The following DOCK3 variants were observed in gnomAD, a reference collection of about 807,000 sequenced individuals.
DOCK3 encodes dedicator of cytokinesis 3.
In DOCK3, 60 loss-of-function variants were observed where a neutral mutation model predicts 265.6. The observed-to-expected ratio is 0.23, with a 90% CI of 0.18 to 0.28. The LOEUF is 0.28. DOCK3 is among the 10% of genes least tolerant of loss of function. The pLI is 1.00. For synonymous variants in DOCK3, 881 were observed against 938.0 expected (o/e 0.94, Z 1.11); for missense variants, 1,981 against 2,594.3 (o/e 0.76, Z 5.14).
chr3:50,807,796 C>T (rs1204641942), intron 2 of DOCK3, among the ~76,000 whole-genome samples: 1 of 152,042 alleles, frequency 6.6e-6, no homozygotes, highest in Admixed American at 6.6e-5. Flanking sequence ...TTGCCCAGGC[C>T]GGAGTGCAGT....
chr3:50,780,964 C>G (rs1196240138), intron 2 of DOCK3, among the ~76,000 whole-genome samples: 1 of 152,052 alleles, frequency 6.6e-6, no homozygotes, highest in African/African-American at 2.4e-5. Flanking sequence ...GTTCCATTCA[C>G]ATTACCATGA....
intron 1 of DOCK3, among the ~76,000 whole-genome samples, chr3:50,753,848 T>C (rs1220038598): frequency 6.6e-6 from 1 of 152,088 alleles, no homozygotes; most frequent in Non-Finnish European, 1.5e-5. Flanking sequence ...TACAGAAATT[T>C]CCTTTGAAGT....
At chr3:50,763,823 A>C (rs1375541799) in intron 1 of DOCK3, among the ~76,000 whole-genome samples, 2 of 152,110 alleles carry the variant, frequency 1.3e-5, no homozygotes, top group African/African-American at 2.4e-5. Context: ...TGATATTTTC[A>C]AAGAACTAAC....
intron 5 of DOCK3, among the ~76,000 whole-genome samples, chr3:50,937,800 G>A (rs999644006): frequency 1.3e-5 from 2 of 152,010 alleles, no homozygotes; most frequent in Non-Finnish European, 1.5e-5. Context: ...CACTAAAAAT[G>A]TTAAAGTAAC....
intron 1 of DOCK3, among the ~76,000 whole-genome samples, chr3:50,749,561 C>T (rs1033680077): frequency 6.6e-6 from 1 of 152,112 alleles, no homozygotes; most frequent in African/African-American, 2.4e-5. Flanking sequence ...CCTACCCCAA[C>T]TTGTTTTTAT....
At chr3:51,380,035 C>A in intron 51 of DOCK3, 90 bp from the exon 52 acceptor site, 1 of 1,291,060 alleles carries the variant, frequency 7.7e-7, no homozygotes, top group Non-Finnish European at 1.1e-6. Flanking sequence ...GGACTCTTCT[C>A]ATGCCTGCCC....
chr3:51,099,474 GA>G (rs2082995533), intron 9 of DOCK3, among the ~76,000 whole-genome samples: 1 of 152,200 alleles, frequency 6.6e-6, no homozygotes, highest in South Asian at 2.1e-4. Flanking sequence ...TTGTTTACAA[GA>G]AATTTGACTT....
At chr3:51,275,486 C>A (rs1418989953) in intron 25 of DOCK3, among the ~76,000 whole-genome samples, 1 of 152,136 alleles carries the variant, frequency 6.6e-6, no homozygotes, top group African/African-American at 2.4e-5. Context: ...CATGCTGTTT[C>A]CATCAATAGG....
rs549423958 is a variant in DOCK3 at position 50,778,142 on chromosome 3, T to G, written c.38-533T>G. 2.8e-4 allele frequency among the ~76,000 whole-genome samples: 43 copies of G among 152,296 alleles called. 1 individual carries two copies. In the South Asian group the frequency reaches 8.7e-3, roughly 31 times the overall value. ...TTTTGGAATCAGTTTGTCAATTTCC[T>G]TAAAAAAGTTACGGGATTTTGATTG... On this transcript the variant is annotated intron_variant, in intron 1 of 52. Coordinates refer to ENST00000266037, the MANE Select transcript of DOCK3 (RefSeq NM_004947.5).
rs2107624720 is a variant in DOCK3 at position 50,675,125 on chromosome 3, T to G, written c.-139T>G. On this transcript the variant is annotated 5_prime_UTR_variant, in exon 1 of 53. Transcript: ENST00000266037. This position sits in a 1 kb window ranked among gnomAD's most constrained non-coding sequence, Gnocchi z 6.1. Reference sequence around the variant, plus strand: ...TGGCGGCGGCATCCCGGACGGCCTGTGAGGGATGCGCCGCCCACTGCCCCG... The same window carrying G: ...TGGCGGCGGCATCCCGGACGGCCTGGGAGGGATGCGCCGCCCACTGCCCCG... 2.2e-5 allele frequency: 10 copies of G among 459,756 alleles called. No individual in the cohort carries two copies. The highest frequency in any genetic ancestry group is 2.6e-5 in the Non-Finnish European group (9 of 347,186). 28.5% of individuals were successfully genotyped at this position (459,756 alleles called of 1,614,324 possible).
chr3:51,243,577 G>A (rs897719741), intron 21 of DOCK3, among the ~76,000 whole-genome samples: 1 of 152,018 alleles, frequency 6.6e-6, no homozygotes, highest in African/African-American at 2.4e-5. Flanking sequence ...TTTTATTGTT[G>A]AGTTATAGGA....
chr3:51,011,656 A>C (rs1056765585), intron 5 of DOCK3, among the ~76,000 whole-genome samples: 1 of 152,134 alleles, frequency 6.6e-6, no homozygotes, highest in Non-Finnish European at 1.5e-5. Context: ...GCTTTGTTGC[A>C]TTGCGGGCGA....
At chr3:50,730,526 A>G (rs989818361) in intron 1 of DOCK3, among the ~76,000 whole-genome samples, 3 of 152,194 alleles carry the variant, frequency 2.0e-5, no homozygotes, top group African/African-American at 7.2e-5. Flanking sequence ...TCCAAAGCCT[A>G]AGGAGATTAA....
intron 5 of DOCK3, among the ~76,000 whole-genome samples, chr3:51,002,191 C>A (rs2108693716): frequency 6.6e-6 from 1 of 152,246 alleles, no homozygotes; most frequent in South Asian, 2.1e-4. Context: ...TCAAGTGATC[C>A]TCCCGCCTTG....
intron 6 of DOCK3, among the ~76,000 whole-genome samples, chr3:51,067,793 T>A (rs1017109935): frequency 1.1e-4 from 16 of 152,214 alleles, no homozygotes; most frequent in African/African-American, 3.9e-4. Context: ...TCCTTGAGCT[T>A]ACTCTTTTAA....
intron 32 of DOCK3, among the ~76,000 whole-genome samples, chr3:51,322,241 C>T (rs1358006352): frequency 1.3e-5 from 2 of 152,114 alleles, no homozygotes; most frequent in African/African-American, 2.4e-5. Context: ...CTTGCTTGGT[C>T]GCCCAGGCTG....
intron 5 of DOCK3, among the ~76,000 whole-genome samples, chr3:50,953,997 C>A (rs1261712083): frequency 6.6e-6 from 1 of 152,088 alleles, no homozygotes; most frequent in Non-Finnish European, 1.5e-5. Flanking sequence ...TAAGTACGTT[C>A]ACATTGTTAT....
chr3:50,831,166 GCTT>G (rs2045126851), intron 2 of DOCK3, among the ~76,000 whole-genome samples: 1 of 149,662 alleles, frequency 6.7e-6, no homozygotes, highest in Non-Finnish European at 1.5e-5. Flanking sequence ...GTTTTGGCTG[GCTT>G]CTTTACTGCA....
chr3:51,244,178 G>C (rs1475155733), intron 21 of DOCK3, among the ~76,000 whole-genome samples: 1 of 151,350 alleles, frequency 6.6e-6, no homozygotes, highest in Non-Finnish European at 1.5e-5. Context: ...AGATGCTTTT[G>C]GCTATTCCAG....
Sources: gnomAD v4.1 joint callset for allele counts (sites outside exome capture counted in the v4.1 genomes callset) on GRCh38, gnomAD v4.1.1 for gene constraint, Gnocchi (gnomAD v3.1) non-coding constraint, MANE v1.5 for transcripts, NCBI Gene and HGNC (gene_info 2026-07-23, HGNC 2026-07-21) for gene names.